The following LMNTD1 variants were observed in gnomAD, a reference collection of about 807,000 sequenced individuals.
The protein encoded by LMNTD1 is lamin tail domain containing 1.
LMNTD1 carries 35 observed loss-of-function variants against 50.9 expected under a neutral mutation model. The ratio of observed to expected loss-of-function variants is 0.69; its 90% CI spans 0.53 to 0.91. The LOEUF (loss-of-function observed/expected upper bound fraction) is 0.91, where lower values mean the gene tolerates loss of function less well. Among genes scored for constraint, LMNTD1 ranks in the 40% least tolerant of loss-of-function variants. The pLI, the probability that LMNTD1 is intolerant of heterozygous loss-of-function variation, is 0.00. For synonymous variants in LMNTD1, 153 were observed against 161.9 expected (o/e 0.94, Z 0.42); for missense variants, 470 against 475.5 (o/e 0.99, Z 0.11).
At chr12:25,537,050 T>C (rs1942649732) in intron 4 of LMNTD1, among the ~76,000 whole-genome samples, 2 of 152,060 alleles carry the variant, frequency 1.3e-5, no homozygotes, top group African/African-American at 4.8e-5. Context: ...CACGAGATTA[T>C]ATCCCACACC....
intron 5 of LMNTD1, 105 bp from the exon 6 acceptor site, chr12:25,526,323 A>T (rs1941706055): frequency 3.7e-6 from 4 of 1,076,702 alleles, no homozygotes; most frequent in Non-Finnish European, 5.3e-6. Context: ...GAGGTTTTAA[A>T]ATATAATGAC....
intron 1 of LMNTD1, among the ~76,000 whole-genome samples, chr12:25,580,756 G>A (rs186475870): frequency 6.6e-6 from 1 of 152,252 alleles, no homozygotes; most frequent in Non-Finnish European, 1.5e-5. Flanking sequence ...GTAATTTCAT[G>A]ACTTTTCCTT....
intron 3 of LMNTD1, among the ~76,000 whole-genome samples, chr12:25,548,364 C>G (rs73298457): frequency 0.017 from 2,517 of 151,970 alleles, 82 homozygotes; most frequent in African/African-American, 0.057. Flanking sequence ...AGTCACTGGA[C>G]TATTTGTGCT....
At chr12:25,633,709 C>T (rs1217407427) in intron 1 of LMNTD1, among the ~76,000 whole-genome samples, 1 of 152,070 alleles carries the variant, frequency 6.6e-6, no homozygotes, top group African/African-American at 2.4e-5. Context: ...CCCTAAACAC[C>T]TACATCAAAA....
chr12:25,506,041 G>A (rs544033351), intron 8 of LMNTD1, among the ~76,000 whole-genome samples: 12 of 152,114 alleles, frequency 7.9e-5, no homozygotes, highest in Non-Finnish European at 1.5e-4. Flanking sequence ...TTGTATTGGA[G>A]GCAATTTCTT....
chr12:25,558,311 A>G (rs1411339824), intron 1 of LMNTD1, among the ~76,000 whole-genome samples: 1 of 151,648 alleles, frequency 6.6e-6, no homozygotes, highest in African/African-American at 2.4e-5. Flanking sequence ...TCTTCTACTG[A>G]TTTTGGGTTT....
intron 1 of LMNTD1, among the ~76,000 whole-genome samples, chr12:25,617,127 G>A (rs910870542): frequency 6.6e-6 from 1 of 151,986 alleles, no homozygotes. Flanking sequence ...CGTCTAGTAA[G>A]ACTCAGAAGC....
Position 25,493,828 on chromosome 12 carries a change from T to C in LMNTD1, c.*22+9910A>G, listed in dbSNP as rs150520438. Among the ~76,000 whole-genome samples, 258 of 152,260 alleles carry C rather than the reference T, an allele frequency of 1.7e-3. 3 individuals are homozygous for C. The East Asian group carries it at 0.026, about 15-fold the overall frequency. Reference sequence around the variant, plus strand: ...CTGTAACTGCTTGACAAATAGAACATGTCTGAGGGATGCTGTTGGTTTCTG... The same window carrying C: ...CTGTAACTGCTTGACAAATAGAACACGTCTGAGGGATGCTGTTGGTTTCTG... On this transcript the variant is annotated intron_variant, in intron 9 of 9. Transcript: ENST00000458174.
At chr12:25,549,885 T>C (rs1344608036) in intron 2 of LMNTD1, among the ~76,000 whole-genome samples, 1 of 152,212 alleles carries the variant, frequency 6.6e-6, no homozygotes, top group East Asian at 1.9e-4. Flanking sequence ...ATGTACTTTT[T>C]ACTCTAAGTG....
chr12:25,496,939 G>C (rs574627614), intron 9 of LMNTD1, among the ~76,000 whole-genome samples: 40 of 151,982 alleles, frequency 2.6e-4, no homozygotes, highest in Middle Eastern at 3.4e-3. Context: ...TTTTTATTCA[G>C]ATAAGTGAAA....
intron 1 of LMNTD1, among the ~76,000 whole-genome samples, chr12:25,610,848 A>C (rs1307307599): frequency 6.6e-6 from 1 of 152,200 alleles, no homozygotes; most frequent in Non-Finnish European, 1.5e-5. Flanking sequence ...CTAGCTTCAG[A>C]AGAAGGTGTT....
intron 8 of LMNTD1, among the ~76,000 whole-genome samples, chr12:25,510,871 A>G (rs1028964747): frequency 6.6e-6 from 1 of 152,166 alleles, no homozygotes; most frequent in African/African-American, 2.4e-5. Flanking sequence ...AAGCAAAATA[A>G]AAGCAATTTA....
chr12:25,532,754 T>G (rs1942311773), intron 4 of LMNTD1, among the ~76,000 whole-genome samples: 1 of 152,200 alleles, frequency 6.6e-6, no homozygotes, highest in Non-Finnish European at 1.5e-5. Context: ...TGCATTATCA[T>G]TATGGTTCTT....
intron 8 of LMNTD1, among the ~76,000 whole-genome samples, chr12:25,510,947 T>C (rs138129619): frequency 1.9e-3 from 291 of 152,272 alleles, no homozygotes; most frequent in African/African-American, 6.6e-3. Context: ...GCTTGGTGAG[T>C]GTAAGATATT....
chr12:25,607,552 T>A (rs1946142119), intron 1 of LMNTD1, among the ~76,000 whole-genome samples: 1 of 152,224 alleles, frequency 6.6e-6, no homozygotes, highest in Non-Finnish European at 1.5e-5. Context: ...CTCATTGGTT[T>A]CAAAGAACAT....
At chr12:25,557,981 CATT>C (rs1448268957), upstream of LMNTD1, among the ~76,000 whole-genome samples, 9 of 152,176 alleles carry the variant, frequency 5.9e-5, no homozygotes, top group African/African-American at 2.2e-4. Context: ...TAAAGGCAGT[CATT>C]ATTCAACATA....
intron 9 of LMNTD1, among the ~76,000 whole-genome samples, chr12:25,478,550 C>T (rs921150299): frequency 1.1e-4 from 17 of 152,090 alleles, no homozygotes; most frequent in African/African-American, 2.4e-5. Context: ...TTTGGGAAGC[C>T]GAGGTGGGCG....
chr12:25,563,608 A>T (rs1327895380), intron 1 of LMNTD1, among the ~76,000 whole-genome samples: 2 of 152,208 alleles, frequency 1.3e-5, no homozygotes, highest in Non-Finnish European at 2.9e-5. Context: ...CCACTTGAGG[A>T]GGGAGTCTGT....
At chr12:25,546,076 A>G (rs1943410681) in intron 4 of LMNTD1, among the ~76,000 whole-genome samples, 1 of 151,686 alleles carries the variant, frequency 6.6e-6, no homozygotes, top group South Asian at 2.1e-4. Flanking sequence ...AGATCCATCT[A>G]AATAATTCAA....
Sources: allele counts gnomAD v4.1 joint callset (sites outside exome capture counted in the v4.1 genomes callset), GRCh38; gene constraint gnomAD v4.1.1; transcripts MANE v1.5; gene names NCBI Gene and HGNC (gene_info 2026-07-23, HGNC 2026-07-21).